The following CDH18 variants were observed in gnomAD, a reference collection of about 807,000 sequenced individuals.
CDH18 encodes cadherin-18.
CDH18 carries 31 observed loss-of-function variants against 67.9 expected under a neutral mutation model. The ratio of observed to expected loss-of-function variants is 0.46; its 90% confidence interval spans 0.34 to 0.62. The LOEUF (loss-of-function observed/expected upper bound fraction) is 0.62, where lower values mean the gene tolerates loss of function less well. Ranked by LOEUF, CDH18 falls within the 20% of genes least tolerant of loss-of-function variation. The pLI is 0.01. For missense variants in CDH18, 890 were observed against 975.5 expected, an observed-to-expected ratio of 0.91 and a Z score of 1.17; for synonymous variants, 362 against 347.2, an observed-to-expected ratio of 1.04 and a Z score of -0.48.
At chr5:20,280,670 G>A (rs1366473903) in intron 1 of CDH18, among the ~76,000 whole-genome samples, 1 of 152,172 alleles carries the variant, frequency 6.6e-6, no homozygotes, top group Non-Finnish European at 1.5e-5. Flanking sequence ...ATAAACATAT[G>A]TGTGCATGTG....
intron 1 of CDH18, among the ~76,000 whole-genome samples, chr5:20,281,280 C>T (rs1746249934): frequency 6.6e-6 from 1 of 152,130 alleles, no homozygotes; most frequent in African/African-American, 2.4e-5. Flanking sequence ...GAAGTCCTTG[C>T]CCATGCCTAT....
intron 2 of CDH18, among the ~76,000 whole-genome samples, chr5:20,243,841 C>T (rs1482361226): frequency 6.6e-6 from 1 of 152,064 alleles, no homozygotes; most frequent in Non-Finnish European, 1.5e-5. Flanking sequence ...CAAGGATTGG[C>T]ACTTGGGAAC....
intron 5 of CDH18, among the ~76,000 whole-genome samples, chr5:19,639,778 C>T (rs1656166014): frequency 6.6e-6 from 1 of 152,250 alleles, no homozygotes; most frequent in African/African-American, 2.4e-5. Context: ...TGACATATCA[C>T]ATCCTATTGC....
intron 2 of CDH18, among the ~76,000 whole-genome samples, chr5:19,919,913 A>C (rs1193593272): frequency 6.6e-6 from 1 of 152,166 alleles, no homozygotes; most frequent in Non-Finnish European, 1.5e-5. Context: ...AACCATATTA[A>C]AGTGTCATAT....
chr5:20,015,669 A>G (rs1052754313), intron 2 of CDH18, among the ~76,000 whole-genome samples: 2 of 152,166 alleles, frequency 1.3e-5, no homozygotes, highest in Admixed American at 6.6e-5. Flanking sequence ...AGAGAGCTGA[A>G]TTGGTAATGA....
intron 8 of CDH18, among the ~76,000 whole-genome samples, chr5:19,563,193 TTATAG>T (rs1469509666): frequency 6.6e-6 from 1 of 152,168 alleles, no homozygotes; most frequent in Non-Finnish European, 1.5e-5. Context: ...TTTTTATTAG[TTATAG>T]TATAATAGGG....
chr5:19,710,141 C>CA, intron 5 of CDH18, among the ~76,000 whole-genome samples: 1 of 152,042 alleles, frequency 6.6e-6, no homozygotes, highest in South Asian at 2.1e-4. Context: ...TCTCAAAAAA[C>CA]AAAAATAAAA....
chr5:19,479,143 G>A (rs958398603), intron 12 of CDH18, among the ~76,000 whole-genome samples: 17 of 152,092 alleles, frequency 1.1e-4, no homozygotes, highest in South Asian at 2.1e-4. Context: ...CATTCTCACA[G>A]GTTTAGAAAT....
At chr5:19,915,127 A>T (rs2150148983) in intron 2 of CDH18, among the ~76,000 whole-genome samples, 1 of 152,270 alleles carries the variant, frequency 6.6e-6, no homozygotes, top group Non-Finnish European at 1.5e-5. Context: ...TATATTAAAA[A>T]TGGCATTTTC....
At chr5:20,057,529 T>C (rs1185308080) in intron 2 of CDH18, among the ~76,000 whole-genome samples, 1 of 152,204 alleles carries the variant, frequency 6.6e-6, no homozygotes, top group Non-Finnish European at 1.5e-5. Context: ...CACTGTTCCA[T>C]GCACTGGGGT....
chr5:19,979,534 C>G (rs1798832684), intron 2 of CDH18, among the ~76,000 whole-genome samples: 1 of 151,960 alleles, frequency 6.6e-6, no homozygotes, highest in Non-Finnish European at 1.5e-5. Flanking sequence ...TTTGTCTACT[C>G]TTCTTTTACT....
chr5:19,846,931 A>T (rs76945476), intron 2 of CDH18, among the ~76,000 whole-genome samples: 2 of 39,674 alleles, frequency 5.0e-5, no homozygotes, highest in Non-Finnish European at 1.3e-4. Flanking sequence ...TTTTTCTTTT[A>T]CCTTTAGCAC....
chr5:19,556,391 T>C lies in CDH18; in HGVS notation c.1254-12386A>G, dbSNP rs535116947. ...CCAAAATAATGATACAGGATATGAA[T>C]GGAAAAATCTCCAGTGAATAGACGG... On this transcript the variant is annotated intron_variant, in intron 8 of 12. Coordinates refer to ENST00000382275, the MANE Select transcript of CDH18 (RefSeq NM_004934.5). 5.9e-5 allele frequency among the ~76,000 whole-genome samples: 9 copies of C among 152,136 alleles called. No individual in the cohort carries two copies. The East Asian group carries it at 1.7e-3, about 29-fold the overall frequency.
At chr5:20,337,787 T>C (rs1429607542) in intron 1 of CDH18, among the ~76,000 whole-genome samples, 1 of 152,250 alleles carries the variant, frequency 6.6e-6, no homozygotes. Context: ...AATGCCCCAC[T>C]CTACTGGTAC....
At position 19,472,977 on chromosome 5, in the gene CDH18, T is replaced by C; in HGVS notation, c.*249A>G. The C allele has an allele frequency of 2.4e-6, 1 of 417,954 alleles. No homozygotes were observed. Among genetic ancestry groups the C allele is most frequent in the South Asian group, 3.7e-5 (1 of 27,036 alleles). 25.9% of individuals were successfully genotyped at this position (417,954 alleles called of 1,614,324 possible). A position where few individuals can be genotyped will look rare whatever the true frequency, so the allele number is the denominator to read the frequency against. On this transcript the variant is annotated 3_prime_UTR_variant, in exon 13 of 13. Transcript: ENST00000382275. ...TCTTAATAAACAGTACCACAGACTTTATTGAGCAATTGAAAATATACACAA... is the reference window on the plus strand; with the variant it reads ...TCTTAATAAACAGTACCACAGACTTCATTGAGCAATTGAAAATATACACAA...
At chr5:19,866,300 T>C (rs1157067840) in intron 2 of CDH18, among the ~76,000 whole-genome samples, 1 of 152,126 alleles carries the variant, frequency 6.6e-6, no homozygotes, top group Non-Finnish European at 1.5e-5. Context: ...AAGAAGAAAA[T>C]GTGTCCTTAC....
chr5:19,536,564 G>C (rs1749454046), intron 9 of CDH18, among the ~76,000 whole-genome samples: 1 of 152,164 alleles, frequency 6.6e-6, no homozygotes, highest in Admixed American at 6.5e-5. Context: ...CTGTGCATAT[G>C]TTTGTCATAG....
At chr5:20,031,060 A>G (rs1039610030) in intron 2 of CDH18, among the ~76,000 whole-genome samples, 3 of 152,136 alleles carry the variant, frequency 2.0e-5, no homozygotes, top group Non-Finnish European at 4.4e-5. Context: ...GAAGCTCAAG[A>G]GAGTCATGAG....
At chr5:20,496,297 T>A (rs956886102) in intron 1 of CDH18, among the ~76,000 whole-genome samples, 2 of 152,182 alleles carry the variant, frequency 1.3e-5, no homozygotes, top group Non-Finnish European at 2.9e-5. Context: ...TACTGTGATG[T>A]TCATGTTTTC....
Sources: allele counts gnomAD v4.1 joint callset (sites outside exome capture counted in the v4.1 genomes callset), GRCh38; gene constraint gnomAD v4.1.1; transcripts MANE v1.5; gene names NCBI Gene and HGNC (gene_info 2026-07-23, HGNC 2026-07-21).